API5: variants seen among roughly 807,000 people sequenced by gnomAD.
The protein encoded by API5 is apoptosis inhibitor 5.
A neutral mutation model predicts 71.9 loss-of-function variants in API5; 6 were observed. That is an observed-to-expected ratio of 0.08 (90% confidence interval 0.05 to 0.16). The LOEUF is 0.16. Among genes scored for constraint, API5 ranks in the 10% least tolerant of loss-of-function variants. The pLI is 1.00. For missense variants in API5, 332 were observed against 612.8 expected (o/e 0.54, Z 4.84); for synonymous variants, 189 against 221.3 (o/e 0.85, Z 1.30).
At chr11:43,342,194 T>A (rs1404951566) in intron 13 of API5, among the ~76,000 whole-genome samples, 1 of 152,220 alleles carries the variant, frequency 6.6e-6, no homozygotes, top group Non-Finnish European at 1.5e-5. Context: ...GTTACTGGGA[T>A]ACATTTAATT....
At chr11:43,324,104 A>G (rs1015887718) in intron 6 of API5, among the ~76,000 whole-genome samples, 2 of 151,860 alleles carry the variant, frequency 1.3e-5, no homozygotes, top group East Asian at 1.9e-4. Flanking sequence ...TGCAGCTTCT[A>G]CCTCCCAGGC....
In API5 at chr11:43,312,103, C is replaced by G; in HGVS notation, c.-25C>G. On this transcript the variant is annotated 5_prime_UTR_variant, in exon 1 of 14. Transcript: ENST00000531273. ...GCCGGTCAGGACAAGGATAGCGGAA[C>G]CGGGCCCTGGGCTTGTCGCTCACCA... is the stretch of plus-strand genomic sequence containing the variant. 1 of 1,612,982 alleles carries G rather than the reference C, an allele frequency of 6.2e-7. No homozygotes were observed. The highest frequency in any genetic ancestry group is 2.2e-5 in the East Asian group (1 of 44,864).
intron 3 of API5, among the ~76,000 whole-genome samples, 162 bp from the exon 4 acceptor site, chr11:43,321,249 T>G (rs959710348): frequency 6.6e-6 from 1 of 152,226 alleles, no homozygotes; most frequent in Non-Finnish European, 1.5e-5. Flanking sequence ...GGTTCTCAAC[T>G]TACAAGGAAC....
intron 6 of API5, among the ~76,000 whole-genome samples, chr11:43,325,733 C>CA (rs1218286698): frequency 2.0e-5 from 3 of 152,064 alleles, no homozygotes; most frequent in African/African-American, 7.2e-5. Context: ...TTTAGCAGTG[C>CA]AATTCTGAAG....
chr11:43,320,869 A>G lies in API5; in HGVS notation c.280A>G (p.Asn94Asp). Residue 94 changes from asparagine to aspartate, a missense_variant, in exon 3 of 14, where the codon AAT becomes GAT. This residue lies in a region of API5 where 127 missense variants were observed against 237.6 expected (regional missense o/e 0.53). Transcript: ENST00000531273. ...ACTGCCTCAATTTGCCACTGGAGAA[A>G]ATCTTCCTCGAGTGGCAGATATACT... is the stretch of plus-strand genomic sequence containing the variant. ...KELPQFATGENLPRVADILTQ... is the reference protein window; with the variant it reads ...KELPQFATGEDLPRVADILTQ... The G allele has an allele frequency of 6.2e-7, 1 of 1,612,166 alleles. No homozygotes were observed. The highest frequency in any genetic ancestry group is 8.5e-7 in the Non-Finnish European group (1 of 1,180,010).
chr11:43,316,711 T>C (rs1039233858), intron 1 of API5, among the ~76,000 whole-genome samples: 4 of 152,120 alleles, frequency 2.6e-5, no homozygotes, highest in African/African-American at 9.7e-5. Context: ...CTCTAACTCC[T>C]GGGCGCGACC....
At chr11:43,340,066 T>C (rs946556281) in intron 13 of API5, among the ~76,000 whole-genome samples, 3 of 149,850 alleles carry the variant, frequency 2.0e-5, no homozygotes, top group African/African-American at 7.3e-5. Context: ...ACCAAAAAAC[T>C]CATAGAACTG....
At chr11:43,323,716 C>T in intron 6 of API5, 80 bp downstream of exon 6, 3 of 1,345,314 alleles carry the variant, frequency 2.2e-6, no homozygotes, top group Non-Finnish European at 3.1e-6. Flanking sequence ...TCCCCTTAAA[C>T]CTTTCCAGTA....
At chr11:43,315,829 T>C (rs966334685) in intron 1 of API5, among the ~76,000 whole-genome samples, 1 of 152,188 alleles carries the variant, frequency 6.6e-6, no homozygotes, top group African/African-American at 2.4e-5. Context: ...GGCTCCTGAC[T>C]AGCCATAATA....
At chr11:43,326,262 GATAA>G (rs1265048759) in intron 6 of API5, among the ~76,000 whole-genome samples, 2 of 152,110 alleles carry the variant, frequency 1.3e-5, no homozygotes, top group African/African-American at 2.4e-5. Flanking sequence ...AGCTTATGTT[GATAA>G]ATAAAGTTTA....
At chr11:43,323,777 T>C (rs2134354966) in intron 6 of API5, 141 bp downstream of exon 6, 2 of 819,568 alleles carry the variant, frequency 2.4e-6, no homozygotes, top group East Asian at 2.6e-5. Context: ...ATTCAGATTT[T>C]TGAATATTTG....
chr11:43,337,967 A>AT (rs1431042424), intron 13 of API5, among the ~76,000 whole-genome samples: 9 of 152,210 alleles, frequency 5.9e-5, no homozygotes, highest in Non-Finnish European at 1.3e-4. Flanking sequence ...GTGTTTTTTA[A>AT]AAAGACACAA....
At chr11:43,339,010 G>C (rs553342684) in intron 13 of API5, among the ~76,000 whole-genome samples, 12 of 152,250 alleles carry the variant, frequency 7.9e-5, no homozygotes, top group Admixed American at 5.2e-4. Context: ...GGAGCATCTT[G>C]CCCTCAGAGA....
chr11:43,336,204 T>G, intron 13 of API5: 1 of 534,034 alleles, frequency 1.9e-6, no homozygotes. Context: ...CATGCAACAT[T>G]AAACAGTAAG....
intron 1 of API5, among the ~76,000 whole-genome samples, chr11:43,313,328 T>C (rs748995165): frequency 1.3e-5 from 2 of 152,172 alleles, no homozygotes; most frequent in Non-Finnish European, 2.9e-5. Flanking sequence ...TTTCAAGTAC[T>C]GGAGTACATT....
At chr11:43,342,063 C>CTAG (rs1262697716) in intron 13 of API5, among the ~76,000 whole-genome samples, 1 of 152,032 alleles carries the variant, frequency 6.6e-6, no homozygotes, top group African/African-American at 2.4e-5. Context: ...AAAGATCACT[C>CTAG]TAGTCCAGAA....
intron 6 of API5, among the ~76,000 whole-genome samples, chr11:43,324,434 C>A (rs970707502): frequency 3.9e-5 from 6 of 152,020 alleles, no homozygotes; most frequent in African/African-American, 1.2e-4. Context: ...TGCATACATT[C>A]ATTTGAAAAA....
chr11:43,337,944 T>C lies in API5; in HGVS notation c.1492+1950T>C, dbSNP rs574259956. Among the ~76,000 whole-genome samples the C allele has an allele frequency of 1.2e-4, 18 of 152,300 alleles. No individual in the cohort carries two copies. The South Asian group carries it at 3.5e-3, about 30-fold the overall frequency. On this transcript the variant is annotated intron_variant, in intron 13 of 13. Coordinates refer to ENST00000531273, the MANE Select transcript of API5 (RefSeq NM_001142930.2). ...AAAGAATGTGAAAAATCTAACACTTTAGATTGTATACAGTGTTTTTTAAAA... is the reference window on the plus strand; with the variant it reads ...AAAGAATGTGAAAAATCTAACACTTCAGATTGTATACAGTGTTTTTTAAAA...
intron 13 of API5, among the ~76,000 whole-genome samples, chr11:43,338,451 G>A (rs1050096782): frequency 1.3e-5 from 2 of 151,770 alleles, no homozygotes; most frequent in African/African-American, 2.4e-5. Flanking sequence ...TGTGACTTGT[G>A]TTCTTTACTT....
Sources: allele counts gnomAD v4.1 joint callset (sites outside exome capture counted in the v4.1 genomes callset), GRCh38; gene constraint gnomAD v4.1.1; regional missense constraint gnomAD v4.1.1; transcripts MANE v1.5; gene names NCBI Gene and HGNC (gene_info 2026-07-23, HGNC 2026-07-21).